The following ZSWIM6 variants were observed in gnomAD, a reference collection of about 807,000 sequenced individuals.
ZSWIM6 encodes the protein zinc finger SWIM-type containing 6.
Under a neutral mutation model 113.2 loss-of-function variants are expected in ZSWIM6, and 9 were observed. That is an observed-to-expected ratio of 0.08 (90% CI 0.05 to 0.14). The LOEUF (loss-of-function observed/expected upper bound fraction) is 0.14. Ranked by LOEUF, ZSWIM6 falls within the 10% of genes least tolerant of loss-of-function variation. The pLI is 1.00. For synonymous variants in ZSWIM6, 611 were observed against 606.5 expected (o/e 1.01, Z -0.11); for missense variants, 1,162 against 1,552.2 (o/e 0.75, Z 4.22).
At position 61,332,677 on chromosome 5, in the gene ZSWIM6, C is replaced by T. The variant is rs545400594; in HGVS notation, c.405C>T (p.Gly135=). 2.2e-4 allele frequency: 237 copies of T among 1,093,288 alleles called. No homozygotes were observed. The African/African-American group carries it at 3.6e-3, about 17-fold the overall frequency. 67.7% of individuals were successfully genotyped at this position (1,093,288 alleles called of 1,614,324 possible). A position where few individuals can be genotyped will look rare whatever the true frequency, so the allele number is the denominator to read the frequency against. Residue 135 remains glycine, a synonymous_variant, in exon 1 of 14, where the codon GGC becomes GGT. Transcript: ENST00000252744. ...TCAACACCGGCGGCGGCGCCGCGGGCGGCCCCGGCGACGACAGCGGTGGCG... is the reference window on the plus strand; with the variant it reads ...TCAACACCGGCGGCGGCGCCGCGGGTGGCCCCGGCGACGACAGCGGTGGCG... ...SSFNTGGGAA[G]GPGDDSGGGG... is the part of the protein sequence containing the mutation.
intron 1 of ZSWIM6, among the ~76,000 whole-genome samples, chr5:61,455,794 C>T (rs973173331): frequency 7.0e-6 from 1 of 142,412 alleles, no homozygotes; most frequent in Non-Finnish European, 1.5e-5. Context: ...CCCGCCCCGG[C>T]CTTCTCCTCC....
chr5:61,429,659 A>C (rs142425573), intron 1 of ZSWIM6, among the ~76,000 whole-genome samples: 1 of 152,274 alleles, frequency 6.6e-6, no homozygotes, highest in Non-Finnish European at 1.5e-5. Flanking sequence ...GAAAATAGGG[A>C]TGAAGATGTA....
rs1747587102 is a variant in ZSWIM6, at chr5:61,472,181, G to A, written c.677-500G>A. Among the ~76,000 whole-genome samples the A allele has an allele frequency of 6.6e-6, 1 of 152,186 alleles. No individual in the cohort carries two copies. The highest frequency in any genetic ancestry group is 1.5e-5 in the Non-Finnish European group (1 of 68,028). On this transcript the variant is annotated intron_variant, in intron 1 of 13. Transcript: ENST00000252744. The surrounding 1 kb of genome is among the most constrained non-coding windows in gnomAD (Gnocchi z 4.1). Reference sequence around the variant, plus strand: ...AGTTTGTGGAAGGGACTCCCTTAGAGTTGCAGTATTGGTTGGTTGGAGCCA... The same window carrying A: ...AGTTTGTGGAAGGGACTCCCTTAGAATTGCAGTATTGGTTGGTTGGAGCCA...
chr5:61,418,086 T>G (rs143668952), intron 1 of ZSWIM6, among the ~76,000 whole-genome samples: 102 of 152,278 alleles, frequency 6.7e-4, no homozygotes, highest in Admixed American at 9.8e-4. Context: ...GCTTTTAACT[T>G]GCAGTCCAGT....
At chr5:61,497,728 A>G (rs959563189) in intron 4 of ZSWIM6, among the ~76,000 whole-genome samples, 1 of 152,216 alleles carries the variant, frequency 6.6e-6, no homozygotes, top group Non-Finnish European at 1.5e-5. Context: ...ATGTTGTATC[A>G]TAATCAGCTA....
At chr5:61,350,282 A>C (rs1444741613) in intron 1 of ZSWIM6, among the ~76,000 whole-genome samples, 2 of 152,222 alleles carry the variant, frequency 1.3e-5, no homozygotes, top group African/African-American at 4.8e-5. Context: ...CTAGGCATAC[A>C]TCTTGTTTCT....
rs201019481 is a variant in ZSWIM6 at position 61,516,605 on chromosome 5, A to G, written c.1334-4658A>G. On this transcript the variant is annotated intron_variant, in intron 4 of 13. Transcript: ENST00000252744. ...TCCTTTACTCTCCCTTTTTTATGTT[A>G]TAGTTGTCATGTGCAGTACCTCTAT... 4.0e-5 allele frequency among the ~76,000 whole-genome samples: 6 copies of G among 149,976 alleles called. No individual in the cohort carries two copies. The East Asian group carries it at 5.8e-4, about 15-fold the overall frequency.
intron 1 of ZSWIM6, among the ~76,000 whole-genome samples, chr5:61,451,313 T>A (rs1263789084): frequency 6.6e-6 from 1 of 152,216 alleles, no homozygotes; most frequent in Non-Finnish European, 1.5e-5. Flanking sequence ...ATTTTTTTAA[T>A]CCAAATTATG....
At chr5:61,457,014 C>T (rs1442026296) in intron 1 of ZSWIM6, among the ~76,000 whole-genome samples, 1 of 151,714 alleles carries the variant, frequency 6.6e-6, no homozygotes, top group South Asian at 2.1e-4. Flanking sequence ...ACTAACTCGT[C>T]ATCTAGCATT....
chr5:61,366,816 C>T (rs999911408), intron 1 of ZSWIM6, among the ~76,000 whole-genome samples: 4 of 151,568 alleles, frequency 2.6e-5, no homozygotes, highest in Admixed American at 2.6e-4. Context: ...GTAGTCCCAG[C>T]TACTTGGGGG....
At chr5:61,431,650 C>A (rs1197023997) in intron 1 of ZSWIM6, among the ~76,000 whole-genome samples, 1 of 107,898 alleles carries the variant, frequency 9.3e-6, no homozygotes, top group Non-Finnish European at 1.9e-5. Context: ...GAGGCTGAGG[C>A]AGGAGAATGG....
Position 61,544,562 on chromosome 5 carries a change from TGAGA to T in ZSWIM6, c.*251_*254del, listed in dbSNP as rs1462400925. The T allele has an allele frequency of 1.0e-5, 2 of 200,158 alleles. No individual in the cohort carries two copies. The highest frequency in any genetic ancestry group is 4.7e-5 in the African/African-American group (2 of 42,922). The allele number at this position is 200,158 out of a possible 1,614,324, so 12.4% of individuals were successfully genotyped here. On this transcript the variant is annotated 3_prime_UTR_variant, in exon 14 of 14. Transcript: ENST00000252744. ...TTAATTTTTTTTTTCTGGTTTTGTA[TGAGA>T]GAGAGGTTAAAAAGGTTTGGTTTAC...
intron 4 of ZSWIM6, among the ~76,000 whole-genome samples, chr5:61,499,239 A>G (rs1469679993): frequency 6.6e-6 from 1 of 152,198 alleles, no homozygotes; most frequent in East Asian, 1.9e-4. Context: ...TGAACCACAT[A>G]TCAGGATTGC....
intron 1 of ZSWIM6, among the ~76,000 whole-genome samples, chr5:61,406,123 C>T (rs1746038862): frequency 6.6e-6 from 1 of 152,188 alleles, no homozygotes; most frequent in African/African-American, 2.4e-5. Context: ...TCCATTAACA[C>T]ACAGGTACTT....
chr5:61,335,201 C>T (rs1216216924), intron 1 of ZSWIM6, among the ~76,000 whole-genome samples: 2 of 152,218 alleles, frequency 1.3e-5, no homozygotes, highest in African/African-American at 2.4e-5. Context: ...CAGTGGTTGA[C>T]GTGAAGTGGT....
intron 1 of ZSWIM6, among the ~76,000 whole-genome samples, chr5:61,339,816 G>C (rs1417436179): frequency 6.6e-6 from 1 of 152,100 alleles, no homozygotes; most frequent in Non-Finnish European, 1.5e-5. Flanking sequence ...CAACAAAAAG[G>C]CTAATTTAGT....
intron 1 of ZSWIM6, chr5:61,390,626 T>C (rs1480081128): frequency 1.4e-6 from 1 of 701,232 alleles, no homozygotes; most frequent in Non-Finnish European, 2.6e-6. Flanking sequence ...CAGTGGAAAA[T>C]AACTTTTAAG....
chr5:61,444,122 A>G (rs1469632715), intron 1 of ZSWIM6, among the ~76,000 whole-genome samples: 4 of 103,564 alleles, frequency 3.9e-5, no homozygotes, highest in African/African-American at 1.5e-4. Context: ...AACAGTCCCC[A>G]GCATGTGATG....
chr5:61,499,565 A>T, intron 4 of ZSWIM6, among the ~76,000 whole-genome samples: 1 of 152,344 alleles, frequency 6.6e-6, no homozygotes, highest in Middle Eastern at 3.4e-3. Context: ...ACAAAGGTTT[A>T]TAGAAACCAA....
Sources: gnomAD v4.1 joint callset for allele counts (sites outside exome capture counted in the v4.1 genomes callset) on GRCh38, gnomAD v4.1.1 for gene constraint, Gnocchi (gnomAD v3.1) non-coding constraint, MANE v1.5 for transcripts, NCBI Gene and HGNC (gene_info 2026-07-23, HGNC 2026-07-21) for gene names.